The following PARD3B variants were observed in gnomAD, a reference collection of about 807,000 sequenced individuals.
PARD3B encodes the protein par-3 family cell polarity regulator beta, also known as partitioning defective 3 homolog B.
Under a neutral mutation model 130.2 loss-of-function variants are expected in PARD3B, and 103 were observed. The observed-to-expected ratio is 0.79, with a 90% confidence interval of 0.67 to 0.93. The LOEUF (loss-of-function observed/expected upper bound fraction) is 0.93. PARD3B is among the 40% of genes least tolerant of loss of function. PARD3B has a pLI of 0.00. For missense variants in PARD3B, 1,609 were observed against 1,499.2 expected (o/e 1.07, Z -1.21); for synonymous variants, 583 against 553.2 (o/e 1.05, Z -0.76).
chr2:205,347,150 T>G (rs1181020911), intron 18 of PARD3B, among the ~76,000 whole-genome samples: 1 of 152,208 alleles, frequency 6.6e-6, no homozygotes, highest in Non-Finnish European at 1.5e-5. Flanking sequence ...CTCTTCAAAT[T>G]GTTGTAGTTA....
chr2:205,390,887 A>G (rs964502536), intron 18 of PARD3B, among the ~76,000 whole-genome samples: 2 of 152,264 alleles, frequency 1.3e-5, no homozygotes, highest in Non-Finnish European at 2.9e-5. Context: ...TAGAGACTGC[A>G]GATGAGGCCT....
chr2:204,633,826 T>G (rs2034776667), intron 1 of PARD3B, among the ~76,000 whole-genome samples: 1 of 152,084 alleles, frequency 6.6e-6, no homozygotes, highest in Admixed American at 6.6e-5. Flanking sequence ...AAACATATAT[T>G]TTTAAACTTA....
intron 2 of PARD3B, among the ~76,000 whole-genome samples, chr2:204,899,421 A>G (rs2046778253): frequency 6.6e-6 from 1 of 152,134 alleles, no homozygotes; most frequent in Non-Finnish European, 1.5e-5. Context: ...GAGGCTTGCA[A>G]ATAATCTCTA....
chr2:205,231,883 G>A (rs1413881865), intron 15 of PARD3B, among the ~76,000 whole-genome samples: 1 of 152,162 alleles, frequency 6.6e-6, no homozygotes, highest in Non-Finnish European at 1.5e-5. Context: ...CATGCATGTA[G>A]GGAACTACCA....
chr2:205,058,127 C>T (rs1695801209), intron 4 of PARD3B, among the ~76,000 whole-genome samples: 1 of 151,824 alleles, frequency 6.6e-6, no homozygotes, highest in Non-Finnish European at 1.5e-5. Flanking sequence ...ATGATTTTGA[C>T]TACTCTAGGT....
chr2:205,567,006 A>T (rs1374289377), intron 22 of PARD3B, among the ~76,000 whole-genome samples: 1 of 152,228 alleles, frequency 6.6e-6, no homozygotes, highest in East Asian at 1.9e-4. Context: ...CATGAAGCAT[A>T]AGGATGAGGG....
intron 16 of PARD3B, among the ~76,000 whole-genome samples, chr2:205,254,814 G>A (rs1263240727): frequency 1.3e-5 from 2 of 151,138 alleles, no homozygotes; most frequent in Non-Finnish European, 1.5e-5. Flanking sequence ...ACAGGCGCCC[G>A]CCACCTCGCC....
intron 2 of PARD3B, among the ~76,000 whole-genome samples, chr2:204,922,683 T>C (rs960413207): frequency 7.7e-5 from 5 of 64,756 alleles, no homozygotes; most frequent in African/African-American, 3.4e-4. Flanking sequence ...AAAAATACAG[T>C]TTTTTTTTTT....
rs548532294 is a variant in PARD3B, at chr2:204,766,715, A to T, written c.222+80433A>T. On this transcript the variant is annotated intron_variant, in intron 2 of 22. Coordinates refer to ENST00000406610, the MANE Select transcript of PARD3B (RefSeq NM_001302769.2). Reference sequence around the variant, plus strand: ...TAAAAACCAGAGGAACTAAAAAAAAATTTGAGGAAATAATCAGCAAACTAA... The same window carrying T: ...TAAAAACCAGAGGAACTAAAAAAAATTTTGAGGAAATAATCAGCAAACTAA... 6.2e-4 allele frequency among the ~76,000 whole-genome samples: 94 copies of T among 152,070 alleles called. 2 individuals are homozygous for T. In the East Asian group the frequency reaches 0.016, roughly 25 times the overall value.
At chr2:204,734,317 A>G (rs1214284585) in intron 2 of PARD3B, among the ~76,000 whole-genome samples, 1 of 152,202 alleles carries the variant, frequency 6.6e-6, no homozygotes, top group Non-Finnish European at 1.5e-5. Context: ...TTGCTGGGCA[A>G]TTCAGAATTT....
rs145872009 is a variant in PARD3B, at chr2:205,491,423, T to A, written c.3045-8473T>A. Among the ~76,000 whole-genome samples the A allele has an allele frequency of 7.0e-3, 1,064 of 152,314 alleles. 7 individuals carry two copies. Among genetic ancestry groups the A allele is most frequent in the Non-Finnish European group, 0.012 (840 of 68,022 alleles). ...GTGAAAGATCAGATGGTTGTAGATATGCAGCATTATTTCTGAGGGTTCTGT... is the reference window on the plus strand; with the variant it reads ...GTGAAAGATCAGATGGTTGTAGATAAGCAGCATTATTTCTGAGGGTTCTGT... On this transcript the variant is annotated intron_variant, in intron 20 of 22. Transcript: ENST00000406610.
chr2:204,961,005 C>G (rs1690698535), intron 2 of PARD3B, among the ~76,000 whole-genome samples: 1 of 152,066 alleles, frequency 6.6e-6, no homozygotes, highest in African/African-American at 2.4e-5. Flanking sequence ...GTGCAAAGAC[C>G]CTGAGGCAGG....
chr2:204,584,556 C>T (rs913443191), intron 1 of PARD3B, among the ~76,000 whole-genome samples: 1 of 152,116 alleles, frequency 6.6e-6, no homozygotes, highest in Non-Finnish European at 1.5e-5. Context: ...GTGCAGTGGT[C>T]CCCAAACTTT....
chr2:205,364,584 A>G lies in PARD3B; in HGVS notation c.2631-36429A>G, dbSNP rs186494942. ...GGCATTAGTCCTCTTAAAAATCTCTAAGATTCATTTTGTTCACAACTCTTG... is the reference window on the plus strand; with the variant it reads ...GGCATTAGTCCTCTTAAAAATCTCTGAGATTCATTTTGTTCACAACTCTTG... On this transcript the variant is annotated intron_variant, in intron 18 of 22. Transcript: ENST00000406610. Among the ~76,000 whole-genome samples, 22 of 152,248 alleles carry G rather than the reference A, an allele frequency of 1.4e-4. No individual in the cohort carries two copies. The East Asian group carries it at 3.9e-3, about 27-fold the overall frequency.
At chr2:204,742,127 A>G (rs547178203) in intron 2 of PARD3B, among the ~76,000 whole-genome samples, 42 of 152,310 alleles carry the variant, frequency 2.8e-4, no homozygotes, top group African/African-American at 1.0e-3. Flanking sequence ...AGGATTTGCA[A>G]TTGTTCTTAG....
chr2:204,847,549 T>C (rs1350715601), intron 2 of PARD3B, among the ~76,000 whole-genome samples: 1 of 152,182 alleles, frequency 6.6e-6, no homozygotes, highest in Non-Finnish European at 1.5e-5. Context: ...TCAAGTTGCA[T>C]TCCATTCTGA....
At chr2:205,124,766 T>G (rs1389250950) in intron 9 of PARD3B, among the ~76,000 whole-genome samples, 1 of 152,188 alleles carries the variant, frequency 6.6e-6, no homozygotes, top group Non-Finnish European at 1.5e-5. Context: ...GGATTGAATC[T>G]AAGAATTCAA....
intron 2 of PARD3B, among the ~76,000 whole-genome samples, chr2:204,959,800 TA>T (rs1690587099): frequency 6.6e-6 from 1 of 152,220 alleles, no homozygotes; most frequent in Non-Finnish European, 1.5e-5. Flanking sequence ...TTAATGAAGC[TA>T]GTGCCTAATC....
rs1368464333 is a variant in PARD3B, at chr2:204,546,126, G to C, written c.120+7G>C. On this transcript the variant is annotated splice_region_variant and intron_variant, in intron 1 of 22. Coordinates refer to ENST00000406610, the MANE Select transcript of PARD3B (RefSeq NM_001302769.2). ...CCTGAAGACCCGGGAGAAGGTGAGC[G>C]CGGCGCGGAGGAGTGGGGCGCGGCT... 5.2e-6 allele frequency: 8 copies of C among 1,552,734 alleles called. No homozygotes were observed. Among genetic ancestry groups the C allele is most frequent in the Non-Finnish European group, 7.0e-6 (8 of 1,148,426 alleles).
Sources: gnomAD v4.1 joint callset for allele counts (sites outside exome capture counted in the v4.1 genomes callset) on GRCh38, gnomAD v4.1.1 for gene constraint, MANE v1.5 for transcripts, NCBI Gene and HGNC (gene_info 2026-07-23, HGNC 2026-07-21) for gene names.